Variants in PCDH11X observed in about 807,000 individuals in gnomAD.
PCDH11X encodes protocadherin-11 X-linked.
In PCDH11X, 18 loss-of-function variants were observed where a neutral mutation model predicts 53.3. That is an observed-to-expected ratio of 0.34 (90% CI 0.23 to 0.50). The LOEUF (loss-of-function observed/expected upper bound fraction) is 0.50, where lower values mean the gene tolerates loss of function less well. Ranked by LOEUF, PCDH11X falls within the 20% of genes least tolerant of loss-of-function variation. The probability of loss-of-function intolerance (pLI) is 0.98; values close to 1 mark genes in which losing one functional copy is unlikely to be tolerated. For missense variants in PCDH11X, 570 were observed against 1,032.4 expected (o/e 0.55, Z 6.14); for synonymous variants, 279 against 393.3 (o/e 0.71, Z 3.44).
intron 7 of PCDH11X, among the ~76,000 whole-genome samples, chrX:92,228,446 T>C (rs1422228789): frequency 9.0e-6 from 1 of 111,540 alleles, no homozygotes. Context: ...ATTTGTTTCC[T>C]CTCCTTTGAA....
chrX:92,060,645 C>T (rs1265658412), intron 6 of PCDH11X, among the ~76,000 whole-genome samples: 1 of 109,083 alleles, frequency 9.2e-6, no homozygotes, highest in Non-Finnish European at 1.9e-5. Flanking sequence ...TATGTTGCTT[C>T]AAAGGACATG....
chrX:91,918,715 A>C (rs1385587461), intron 6 of PCDH11X, among the ~76,000 whole-genome samples: 2 of 111,627 alleles, frequency 1.8e-5, no homozygotes, highest in East Asian at 5.6e-4. Flanking sequence ...GGAAAGTTAC[A>C]AATTATTTCA....
At chrX:92,160,758 T>G (rs1033977970) in intron 6 of PCDH11X, among the ~76,000 whole-genome samples, 1 of 110,292 alleles carries the variant, frequency 9.1e-6, no homozygotes, top group Non-Finnish European at 1.9e-5. Flanking sequence ...ACACTGTTTT[T>G]CATAATAGTT....
chrX:92,421,690 G>T (rs190121804), intron 9 of PCDH11X, among the ~76,000 whole-genome samples: 93 of 111,891 alleles, frequency 8.3e-4, no homozygotes, highest in African/African-American at 2.9e-3. Context: ...TCCCCACACT[G>T]CTTTCCACAT....
chrX:92,516,381 G>A (rs1427515402), intron 10 of PCDH11X, among the ~76,000 whole-genome samples: 6 of 112,308 alleles, frequency 5.3e-5, no homozygotes, highest in African/African-American at 1.9e-4. Context: ...TTGGGGAAAT[G>A]AAGAAATAAA....
Position 91,822,834 on chromosome X carries a change from C to T in PCDH11X, c.-45+11539C>T, listed in dbSNP as rs776729642. ...TTAGTGCTATAAATTTCCCTCTACACACTGCTTTGAATGCATCCCAGAGAT... is the reference window on the plus strand; with the variant it reads ...TTAGTGCTATAAATTTCCCTCTACATACTGCTTTGAATGCATCCCAGAGAT... On this transcript the variant is annotated intron_variant, in intron 4 of 10. Transcript: ENST00000682573. Among the ~76,000 whole-genome samples the T allele has an allele frequency of 1.5e-4, 17 of 111,719 alleles. No individual in the cohort carries two copies. The South Asian group carries it at 6.3e-3, about 41-fold the overall frequency.
Position 92,088,635 on chromosome X carries a change from A to G in PCDH11X, c.3034-112740A>G, listed in dbSNP as rs1419238441. 2.7e-5 allele frequency among the ~76,000 whole-genome samples: 3 copies of G among 111,981 alleles called. 1 individual carries two copies. Among genetic ancestry groups the G allele is most frequent in the Middle Eastern group, 8.5e-3 (2 of 235 alleles). On this transcript the variant is annotated intron_variant, in intron 6 of 10. Transcript: ENST00000682573. ...AGGAGCCAACACACATCTGGGAAAT[A>G]CAGATTCAAATAAGAATGCCCAAAT...
chrX:92,081,444 A>G (rs1334649081), intron 6 of PCDH11X, among the ~76,000 whole-genome samples: 1 of 110,219 alleles, frequency 9.1e-6, no homozygotes, highest in Non-Finnish European at 1.9e-5. Flanking sequence ...ACATACGAGG[A>G]GTGAGATAGG....
chrX:91,849,303 T>C (rs759845317), intron 5 of PCDH11X, among the ~76,000 whole-genome samples: 1 of 110,542 alleles, frequency 9.0e-6, no homozygotes, highest in South Asian at 3.9e-4. Context: ...TTATTTTAGG[T>C]TTAGGAGTAC....
chrX:92,026,498 C>T (rs1316106217), intron 6 of PCDH11X, among the ~76,000 whole-genome samples: 1 of 110,294 alleles, frequency 9.1e-6, no homozygotes, highest in Non-Finnish European at 1.9e-5. Context: ...TCCCATAAGA[C>T]TCAAGGAACA....
chrX:92,249,797 A>G (rs1176707986), intron 7 of PCDH11X, among the ~76,000 whole-genome samples: 1 of 111,759 alleles, frequency 8.9e-6, no homozygotes, highest in Non-Finnish European at 1.9e-5. Context: ...AGTACTTTAT[A>G]TAATCTGCAT....
intron 8 of PCDH11X, among the ~76,000 whole-genome samples, chrX:92,382,442 C>T (rs1374015703): frequency 9.0e-6 from 1 of 111,201 alleles, no homozygotes; most frequent in Non-Finnish European, 1.9e-5. Flanking sequence ...TGCATGCAGC[C>T]TCTTTGGTGC....
intron 5 of PCDH11X, among the ~76,000 whole-genome samples, chrX:91,875,194 T>C (rs2524536): frequency 4.1e-4 from 45 of 110,294 alleles, no homozygotes; most frequent in African/African-American, 1.4e-3. Flanking sequence ...GACAGGAATC[T>C]TCCTCTCTCA....
At chrX:92,260,002 C>T (rs1184416866) in intron 7 of PCDH11X, among the ~76,000 whole-genome samples, 1 of 111,164 alleles carries the variant, frequency 9.0e-6, no homozygotes, top group Non-Finnish European at 1.9e-5. Flanking sequence ...CTTCCCTCTT[C>T]TCTCCTCAAG....
Position 92,537,969 on chromosome X carries a change from G to A in PCDH11X, c.3367+69647G>A, listed in dbSNP as rs375432271. On this transcript the variant is annotated intron_variant, in intron 10 of 10. Coordinates refer to ENST00000682573, the MANE Select transcript of PCDH11X (RefSeq NM_032968.5). ...AAGGTAATTTGAATTCTGTTTTACCGATTTGGATGTCCTTTTTATTTATTT... is the reference window on the plus strand; with the variant it reads ...AAGGTAATTTGAATTCTGTTTTACCAATTTGGATGTCCTTTTTATTTATTT... Among the ~76,000 whole-genome samples the A allele has an allele frequency of 5.9e-3, 591 of 99,890 alleles. 5 individuals carry two copies. The highest frequency in any genetic ancestry group is 0.02 in the African/African-American group (553 of 27,616). The allele number at this position is 99,890 out of a possible 115,157, so 86.7% of individuals were successfully genotyped here. A position where few individuals can be genotyped will look rare whatever the true frequency, so the allele number is the denominator to read the frequency against.
rs1391388182 is a variant in PCDH11X, at chrX:92,619,323, A to C, written c.*383A>C. 1 of 206,475 alleles carries C rather than the reference A, an allele frequency of 4.8e-6. No individual in the cohort carries two copies. The highest frequency in any genetic ancestry group is 1.3e-4 in the East Asian group (1 of 7,713). 17.0% of individuals were successfully genotyped at this position (206,475 alleles called of 1,213,427 possible). On this transcript the variant is annotated 3_prime_UTR_variant, in exon 11 of 11. Transcript: ENST00000682573. ...CAAATGGAAAGCCTAGAAATATCTT[A>C]TTTTCTAAGTTTACCTTTAGTTTAC...
chrX:91,796,628 C>A (rs1218437179), intron 1 of PCDH11X, among the ~76,000 whole-genome samples: 1 of 111,286 alleles, frequency 9.0e-6, no homozygotes, highest in Non-Finnish European at 1.9e-5. Context: ...AACAAGTTCA[C>A]AATAACTGAA....
intron 10 of PCDH11X, among the ~76,000 whole-genome samples, chrX:92,475,637 T>A (rs1603339744): frequency 8.9e-6 from 1 of 112,005 alleles, no homozygotes; most frequent in East Asian, 2.8e-4. Flanking sequence ...GGGAGTTTGA[T>A]TATTAAATGC....
chrX:92,111,219 T>TAAAAAAAAAAAAAAAAAAAA (rs771823629), intron 6 of PCDH11X, among the ~76,000 whole-genome samples: 7 of 19,817 alleles, frequency 3.5e-4, no homozygotes, highest in Admixed American at 1.4e-3. Flanking sequence ...CACCTAACGC[T>TAAAAAAAAAAAAAAAAAAAA]AAAAAAAAAA....
Sources: allele counts gnomAD v4.1 joint callset (sites outside exome capture counted in the v4.1 genomes callset), GRCh38; gene constraint gnomAD v4.1.1; transcripts MANE v1.5; gene names NCBI Gene and HGNC (gene_info 2026-07-23, HGNC 2026-07-21).